The following CDH1 variants were observed in gnomAD, a reference collection of about 807,000 sequenced individuals.
The protein encoded by CDH1 is cadherin 1.
In CDH1, 35 loss-of-function variants were observed where a neutral mutation model predicts 84.5. The observed-to-expected ratio is 0.41, with a 90% CI of 0.32 to 0.55. The LOEUF is 0.55. Ranked by LOEUF, CDH1 falls within the 20% of genes least tolerant of loss-of-function variation. The pLI, the probability that CDH1 is intolerant of heterozygous loss-of-function variation, is 0.19. For missense variants in CDH1, 994 were observed against 1,126.6 expected, an observed-to-expected ratio of 0.88 and a Z score of 1.68; for synonymous variants, 417 against 439.0, an observed-to-expected ratio of 0.95 and a Z score of 0.63.
intron 3 of CDH1, among the ~76,000 whole-genome samples, chr16:68,806,779 C>T (rs1007298982): frequency 6.6e-6 from 1 of 152,180 alleles, no homozygotes; most frequent in Non-Finnish European, 1.5e-5. Context: ...CAGTCTAGCT[C>T]CAGAGCCTGC....
intron 2 of CDH1, among the ~76,000 whole-genome samples, chr16:68,739,661 C>T (rs561419816): frequency 2.1e-4 from 28 of 131,084 alleles, no homozygotes; most frequent in Admixed American, 5.5e-4. Context: ...GTTGCCCAGG[C>T]TGGAGTGTAA....
At chr16:68,810,800 G>A (rs1284937035) in intron 6 of CDH1, among the ~76,000 whole-genome samples, 1 of 150,970 alleles carries the variant, frequency 6.6e-6, no homozygotes, top group African/African-American at 2.4e-5. Flanking sequence ...CGGGAGGCGG[G>A]GGTTGCAGTA....
chr16:68,808,940 T>A lies in CDH1; in HGVS notation c.687+92T>A, dbSNP rs1303357315. On this transcript the variant is annotated intron_variant, in intron 5 of 15. Transcript: ENST00000261769. Reference sequence around the variant, plus strand: ...TGCTGGATCCGCAGATCAGAGGCTCTGAACACATGAGGAGCTTAACTTGAC... The same window carrying A: ...TGCTGGATCCGCAGATCAGAGGCTCAGAACACATGAGGAGCTTAACTTGAC... The A allele has an allele frequency of 1.6e-5, 19 of 1,216,382 alleles. No homozygotes were observed. Among genetic ancestry groups the A allele is most frequent in the Non-Finnish European group, 6.0e-6 (5 of 839,982 alleles). 75.3% of individuals were successfully genotyped at this position (1,216,382 alleles called of 1,614,324 possible).
At chr16:68,751,006 A>G (rs1361885828) in intron 2 of CDH1, among the ~76,000 whole-genome samples, 4 of 152,002 alleles carry the variant, frequency 2.6e-5, no homozygotes, top group Admixed American at 1.3e-4. Context: ...CTGTTTCTCT[A>G]TTCCCAAAAG....
chr16:68,775,938 GA>G (rs931686154), intron 2 of CDH1, among the ~76,000 whole-genome samples: 1 of 152,132 alleles, frequency 6.6e-6, no homozygotes, highest in African/African-American at 2.4e-5. Flanking sequence ...AGTTAGGAGG[GA>G]AGATTGTCAA....
In CDH1 at chr16:68,738,285, C is replaced by T. The variant is rs1450631843; in HGVS notation, c.49-12C>T. ...GAGTCACCCGGTTCCATCTACCTTT[C>T]CCCCACCCCAGGTCTCCTCTTGGCT... On this transcript the variant is annotated splice_polypyrimidine_tract_variant and intron_variant, in intron 1 of 15. Coordinates refer to ENST00000261769, the MANE Select transcript of CDH1 (RefSeq NM_004360.5). 5.9e-6 allele frequency: 9 copies of T among 1,522,926 alleles called. No homozygotes were observed. The South Asian group carries it at 9.6e-5, about 16-fold the overall frequency. 94.3% of individuals were successfully genotyped at this position (1,522,926 alleles called of 1,614,324 possible).
At chr16:68,753,892 G>A (rs1028439109) in intron 2 of CDH1, among the ~76,000 whole-genome samples, 1 of 151,844 alleles carries the variant, frequency 6.6e-6, no homozygotes, top group Non-Finnish European at 1.5e-5. Flanking sequence ...TGAGGCAGGC[G>A]GATCATGAGG....
In CDH1 at chr16:68,823,565, C is replaced by T. The variant is rs730881656; in HGVS notation, c.2103C>T (p.Val701=). Residue 701 remains valine (V), a synonymous_variant, in exon 13 of 16, where the codon GTC becomes GTT. Transcript: ENST00000261769. ...GCGTCTGTAGGAAGGCACAGCCTGT[C>T]GAAGCAGGATTGCAAATTCCTGCCA... The part of the protein sequence containing the change: ...AAGVCRKAQP[V]EAGLQIPAIL... 19 of 1,613,728 alleles carry T rather than the reference C, an allele frequency of 1.2e-5. No individual in the cohort carries two copies. The highest frequency in any genetic ancestry group is 1.5e-5 in the Non-Finnish European group (18 of 1,180,012).
At chr16:68,779,269 G>A (rs1474440733) in intron 2 of CDH1, among the ~76,000 whole-genome samples, 1 of 152,162 alleles carries the variant, frequency 6.6e-6, no homozygotes, top group Non-Finnish European at 1.5e-5. Flanking sequence ...CCCTCCTTTG[G>A]TGACTTTGCC....
At chr16:68,783,614 C>T (rs1222632907) in intron 2 of CDH1, among the ~76,000 whole-genome samples, 1 of 152,078 alleles carries the variant, frequency 6.6e-6, no homozygotes, top group Non-Finnish European at 1.5e-5. Flanking sequence ...AAGACAGATT[C>T]TTCCCATATT....
At chr16:68,758,842 G>A (rs1460947702) in intron 2 of CDH1, among the ~76,000 whole-genome samples, 1 of 148,844 alleles carries the variant, frequency 6.7e-6, no homozygotes, top group Non-Finnish European at 1.5e-5. Flanking sequence ...GTCTTGCTCT[G>A]TTGCCCAGAC....
At chr16:68,749,071 A>G (rs1962821781) in intron 2 of CDH1, among the ~76,000 whole-genome samples, 1 of 152,202 alleles carries the variant, frequency 6.6e-6, no homozygotes, top group South Asian at 2.1e-4. Context: ...TCCTGACCTC[A>G]GGTGATCCAC....
intron 2 of CDH1, among the ~76,000 whole-genome samples, chr16:68,761,575 CATA>C (rs1348285530): frequency 6.6e-6 from 1 of 152,108 alleles, no homozygotes; most frequent in Non-Finnish European, 1.5e-5. Flanking sequence ...AGGCAATAAA[CATA>C]ATCAATGTGC....
intron 2 of CDH1, among the ~76,000 whole-genome samples, chr16:68,746,308 C>T (rs1381465609): frequency 2.0e-5 from 3 of 152,120 alleles, no homozygotes; most frequent in Non-Finnish European, 4.4e-5. Flanking sequence ...TCCTGTAATC[C>T]CTGCTACTTG....
intron 2 of CDH1, among the ~76,000 whole-genome samples, chr16:68,767,361 A>AT (rs1487150382): frequency 1.3e-5 from 2 of 151,216 alleles, no homozygotes; most frequent in Admixed American, 6.6e-5. Context: ...TGCCCGGCTA[A>AT]TTTTTTTTGT....
At chr16:68,796,451 C>T (rs1016231812) in intron 2 of CDH1, among the ~76,000 whole-genome samples, 2 of 152,140 alleles carry the variant, frequency 1.3e-5, no homozygotes, top group Non-Finnish European at 2.9e-5. Context: ...CACTCACATT[C>T]CAGTTATGGG....
intron 10 of CDH1, among the ~76,000 whole-genome samples, chr16:68,818,991 G>T (rs187649886): frequency 6.0e-4 from 92 of 152,208 alleles, no homozygotes; most frequent in African/African-American, 2.1e-3. Context: ...CAGTAGCTGG[G>T]ATTACAGGCG....
intron 2 of CDH1, among the ~76,000 whole-genome samples, chr16:68,778,071 G>T (rs113230604): frequency 1.5e-4 from 23 of 151,300 alleles, no homozygotes; most frequent in Admixed American, 6.6e-5. Flanking sequence ...TTTTTGAGAC[G>T]GAATCTCGCT....
At chr16:68,823,754 A>G (rs1961242055) in intron 13 of CDH1, 128 bp downstream of exon 13, 3 of 669,376 alleles carry the variant, frequency 4.5e-6, no homozygotes, top group Non-Finnish European at 7.8e-6. Context: ...GAGACTCCCA[A>G]GTTATGCCAG....
Sources: gnomAD v4.1 joint callset for allele counts (sites outside exome capture counted in the v4.1 genomes callset) on GRCh38, gnomAD v4.1.1 for gene constraint, MANE v1.5 for transcripts, NCBI Gene and HGNC (gene_info 2026-07-23, HGNC 2026-07-21) for gene names.